The following NTN1 variants were observed in gnomAD, a reference collection of about 807,000 sequenced individuals.
The protein encoded by NTN1 is netrin-1.
Under a neutral mutation model 54.2 loss-of-function variants are expected in NTN1, and 11 were observed. The observed-to-expected ratio is 0.20, with a 90% confidence interval of 0.13 to 0.34. NTN1 has a LOEUF of 0.34. Among genes scored for constraint, NTN1 ranks in the 10% least tolerant of loss-of-function variants. The pLI, the probability that NTN1 is intolerant of heterozygous loss-of-function variation, is 1.00. For synonymous variants in NTN1, 371 were observed against 382.0 expected, an observed-to-expected ratio of 0.97 and a Z score of 0.33; for missense variants, 740 against 893.1, an observed-to-expected ratio of 0.83 and a Z score of 2.18.
intron 2 of NTN1, among the ~76,000 whole-genome samples, chr17:9,074,947 C>G (rs896086931): frequency 5.3e-5 from 8 of 152,244 alleles, no homozygotes; most frequent in Admixed American, 3.9e-4. Flanking sequence ...ACACACGGGT[C>G]TTACCCAACG....
At chr17:9,017,862 T>C (rs1321540274), upstream of NTN1, among the ~76,000 whole-genome samples, 1 of 152,164 alleles carries the variant, frequency 6.6e-6, no homozygotes, top group Non-Finnish European at 1.5e-5. Flanking sequence ...GAAAGGACAC[T>C]GATGAATTAG....
chr17:9,234,385 T>C (rs1449667388), intron 6 of NTN1, among the ~76,000 whole-genome samples: 3 of 152,186 alleles, frequency 2.0e-5, no homozygotes, highest in Non-Finnish European at 4.4e-5. Context: ...GGGTGGCCCA[T>C]GGGCTGAGGG....
chr17:9,118,228 A>G (rs2092220554), intron 2 of NTN1, among the ~76,000 whole-genome samples: 1 of 152,152 alleles, frequency 6.6e-6, no homozygotes, highest in Admixed American at 6.5e-5. Context: ...CATTTAAAAT[A>G]TACAGTTCAG....
chr17:9,057,466 T>C (rs1370664920), intron 2 of NTN1, among the ~76,000 whole-genome samples: 1 of 152,092 alleles, frequency 6.6e-6, no homozygotes, highest in Non-Finnish European at 1.5e-5. Flanking sequence ...TTCCCCGGGG[T>C]TTGCTTTCCA....
At chr17:9,147,974 T>C (rs1205225342) in intron 2 of NTN1, among the ~76,000 whole-genome samples, 1 of 152,212 alleles carries the variant, frequency 6.6e-6, no homozygotes, top group Non-Finnish European at 1.5e-5. Context: ...ACTCTGGCCA[T>C]ACTTGCCTTC....
chr17:9,043,994 T>C (rs1276839153), intron 2 of NTN1, among the ~76,000 whole-genome samples: 2 of 152,180 alleles, frequency 1.3e-5, no homozygotes, highest in African/African-American at 4.8e-5. Context: ...TATTTTCTTA[T>C]TCCTGTTGAG....
intron 2 of NTN1, among the ~76,000 whole-genome samples, chr17:9,156,120 G>A (rs952825397): frequency 1.3e-5 from 2 of 152,158 alleles, no homozygotes; most frequent in African/African-American, 2.4e-5. Context: ...CTGCCCATGT[G>A]GCCTGGACAT....
chr17:9,191,392 G>A (rs569181914), intron 5 of NTN1, among the ~76,000 whole-genome samples: 2 of 152,314 alleles, frequency 1.3e-5, no homozygotes, highest in South Asian at 2.1e-4. Flanking sequence ...CCTGGGAGGC[G>A]GAGGTTGCGG....
At chr17:9,197,089 C>T (rs1904654506) in intron 5 of NTN1, among the ~76,000 whole-genome samples, 1 of 151,796 alleles carries the variant, frequency 6.6e-6, no homozygotes, top group Non-Finnish European at 1.5e-5. Context: ...CTCAGCACAG[C>T]ATTGTCCAAA....
intron 2 of NTN1, among the ~76,000 whole-genome samples, chr17:9,071,485 A>C (rs1371602693): frequency 6.7e-6 from 1 of 148,854 alleles, no homozygotes; most frequent in African/African-American, 2.4e-5. Flanking sequence ...TGAAGTTTAA[A>C]AATTAAAAAA....
intron 2 of NTN1, among the ~76,000 whole-genome samples, chr17:9,119,603 A>T (rs1161038978): frequency 7.5e-6 from 1 of 133,976 alleles, no homozygotes; most frequent in Non-Finnish European, 1.8e-5. Context: ...GGCGTAAATG[A>T]TCCTCCTGCT....
At chr17:9,206,963 C>T (rs767676645) in intron 5 of NTN1, among the ~76,000 whole-genome samples, 3 of 152,114 alleles carry the variant, frequency 2.0e-5, no homozygotes, top group South Asian at 2.1e-4. Context: ...CTTTACTTTT[C>T]GGCTGTTTAC....
At chr17:9,090,519 G>C (rs28590640) in intron 2 of NTN1, among the ~76,000 whole-genome samples, 7,385 of 152,068 alleles carry the variant, frequency 0.049, 482 homozygotes, top group African/African-American at 0.15. Context: ...AGGACTCTCT[G>C]TGACTCACTA....
the NTN1 span, among the ~76,000 whole-genome samples, chr17:9,008,404 G>A: frequency 2.0e-5 from 3 of 151,958 alleles, no homozygotes; most frequent in African/African-American, 4.8e-5. Flanking sequence ...CTGCAACCTC[G>A]GCCTCCTGGG....
chr17:9,108,231 G>A (rs1390921176), intron 2 of NTN1, among the ~76,000 whole-genome samples: 3 of 152,242 alleles, frequency 2.0e-5, no homozygotes, highest in Non-Finnish European at 4.4e-5. Flanking sequence ...TCCCCAACCT[G>A]CTCCCCAGAC....
chr17:9,040,578 A>G (rs1049081926), intron 2 of NTN1, among the ~76,000 whole-genome samples: 1 of 152,082 alleles, frequency 6.6e-6, no homozygotes, highest in South Asian at 2.1e-4. Context: ...TACTTGTACT[A>G]TTTATTTTTC....
intron 5 of NTN1, among the ~76,000 whole-genome samples, chr17:9,196,377 G>A (rs1904634986): frequency 6.6e-6 from 1 of 152,208 alleles, no homozygotes; most frequent in Admixed American, 6.5e-5. Context: ...GAGTTGGAAG[G>A]AGCAGCACAG....
At chr17:9,092,079 G>A (rs868293339) in intron 2 of NTN1, among the ~76,000 whole-genome samples, 1 of 151,564 alleles carries the variant, frequency 6.6e-6, no homozygotes, top group Non-Finnish European at 1.5e-5. Flanking sequence ...TAGTAGAGAC[G>A]GGGTTTCACC....
upstream of NTN1, chr17:9,021,460 GCCCCGCCCGGCGGCCCCGCC>G (rs1281576129): frequency 6.7e-6 from 1 of 150,034 alleles, no homozygotes; most frequent in Non-Finnish European, 1.5e-5. Flanking sequence ...ATTGGCCGGC[GCCCCGCCCGGCGGCCCCGCC>G]CCCCGCCCCC....
Sources: allele counts gnomAD v4.1 joint callset (sites outside exome capture counted in the v4.1 genomes callset), GRCh38; gene constraint gnomAD v4.1.1; transcripts MANE v1.5; gene names NCBI Gene and HGNC (gene_info 2026-07-23, HGNC 2026-07-21).